Variants in EEIG2 observed in about 807,000 individuals in gnomAD.
EEIG2 encodes the protein family with sequence similarity 102 member B.
chr1:108,631,238 GGGCTGGCAGGCTATAGCCCATA>G, the EEIG2 span: 2 of 266,858 alleles, frequency 7.5e-6, no homozygotes, highest in Non-Finnish European at 1.5e-5. Flanking sequence ...CTAGCACATG[GGGCTGGCAGGCTATAGCCCATA>G]GGCCAAATTG....
the EEIG2 span, among the ~76,000 whole-genome samples, chr1:108,561,069 A>G: frequency 6.6e-6 from 1 of 152,160 alleles, no homozygotes; most frequent in Non-Finnish European, 1.5e-5. Context: ...AGACGAGACA[A>G]CGGTCTGTGC....
the EEIG2 span, among the ~76,000 whole-genome samples, chr1:108,605,889 TA>T: frequency 6.6e-6 from 1 of 152,218 alleles, no homozygotes; most frequent in Admixed American, 6.5e-5. Context: ...TTAGTATGCT[TA>T]ACTGAGTAAA....
At chr1:108,591,673 C>A in the EEIG2 span, among the ~76,000 whole-genome samples, 1 of 152,112 alleles carries the variant, frequency 6.6e-6, no homozygotes, top group Non-Finnish European at 1.5e-5. Flanking sequence ...CTGCCCCTCC[C>A]TGGGGGACAG....
the EEIG2 span, among the ~76,000 whole-genome samples, chr1:108,576,320 AG>A: frequency 6.6e-6 from 1 of 151,786 alleles, no homozygotes; most frequent in Non-Finnish European, 1.5e-5. Context: ...TTATACTTTA[AG>A]TTTTAGGGTA....
the EEIG2 span, among the ~76,000 whole-genome samples, chr1:108,579,772 T>TGAGA: frequency 4.8e-3 from 284 of 58,876 alleles, 8 homozygotes; most frequent in Non-Finnish European, 6.8e-3. Flanking sequence ...TGTGTGTGTG[T>TGAGA]GAGAGAGAGA....
chr1:108,638,050 T>C, the EEIG2 span: 1 of 152,644 alleles, frequency 6.6e-6, no homozygotes, highest in Non-Finnish European at 1.5e-5. Context: ...AATATCCAAA[T>C]TCCAGATTTT....
At chr1:108,569,296 A>G in the EEIG2 span, among the ~76,000 whole-genome samples, 1 of 152,240 alleles carries the variant, frequency 6.6e-6, no homozygotes, top group African/African-American at 2.4e-5. Context: ...ATTCCTCGTT[A>G]GGAGGATGGG....
chr1:108,593,134 A>G, the EEIG2 span, among the ~76,000 whole-genome samples: 150,459 of 152,284 alleles, frequency 0.99, 74,358 homozygotes, highest in East Asian at 1. Context: ...CTCAGCCTGC[A>G]TGACAGAGTG....
chr1:108,621,141 ATTC>A, the EEIG2 span, among the ~76,000 whole-genome samples: 1 of 152,218 alleles, frequency 6.6e-6, no homozygotes, highest in African/African-American at 2.4e-5. Flanking sequence ...TTTTTCACAT[ATTC>A]TTAACATTAC....
chr1:108,581,277 G>A, the EEIG2 span, among the ~76,000 whole-genome samples: 1 of 152,150 alleles, frequency 6.6e-6, no homozygotes, highest in Non-Finnish European at 1.5e-5. Flanking sequence ...GTCCCCAAGA[G>A]CTCTAATGAA....
the EEIG2 span, chr1:108,625,204 T>C: frequency 6.5e-6 from 1 of 154,420 alleles, no homozygotes; most frequent in African/African-American, 2.4e-5. Context: ...ATTCAGTAGA[T>C]CTGGGTTAGA....
chr1:108,623,706 C>G, the EEIG2 span, among the ~76,000 whole-genome samples: 2 of 152,026 alleles, frequency 1.3e-5, no homozygotes, highest in Non-Finnish European at 2.9e-5. Flanking sequence ...GAGTCTCGCT[C>G]TGTCGCCCAG....
chr1:108,605,698 G>T, the EEIG2 span, among the ~76,000 whole-genome samples: 1 of 152,072 alleles, frequency 6.6e-6, no homozygotes. Context: ...GTTAAAAAAA[G>T]ACATCATCTA....
the EEIG2 span, among the ~76,000 whole-genome samples, chr1:108,602,366 G>T: frequency 2.6e-5 from 4 of 152,098 alleles, no homozygotes; most frequent in Non-Finnish European, 5.9e-5. Context: ...TGGAAGTGCT[G>T]GGGGAGAAAC....
the EEIG2 span, among the ~76,000 whole-genome samples, chr1:108,615,128 T>C: frequency 6.6e-6 from 1 of 152,200 alleles, no homozygotes; most frequent in Non-Finnish European, 1.5e-5. Context: ...AATGTACATA[T>C]TCTTGTATTC....
At chr1:108,569,315 A>G in the EEIG2 span, among the ~76,000 whole-genome samples, 10 of 152,306 alleles carry the variant, frequency 6.6e-5, no homozygotes, top group Admixed American at 2.0e-4. Flanking sequence ...GGTCATCTAG[A>G]TGATGATGCT....
chr1:108,605,545 G>A, the EEIG2 span, among the ~76,000 whole-genome samples: 1 of 152,200 alleles, frequency 6.6e-6, no homozygotes, highest in South Asian at 2.1e-4. Flanking sequence ...GGGGAGTTTG[G>A]CCCTAATAAT....
chr1:108,626,078 G>A, the EEIG2 span: 1 of 152,144 alleles, frequency 6.6e-6, no homozygotes, highest in East Asian at 1.9e-4. Context: ...CTACCTCTCT[G>A]ATCTTTCCTT....
chr1:108,565,309 A>G, the EEIG2 span, among the ~76,000 whole-genome samples: 1 of 152,162 alleles, frequency 6.6e-6, no homozygotes, highest in Non-Finnish European at 1.5e-5. Context: ...CCTAGATGGT[A>G]TAGCCTACTA....
Sources: gnomAD v4.1 joint callset for allele counts (sites outside exome capture counted in the v4.1 genomes callset) on GRCh38, gnomAD v4.1.1 for gene constraint, MANE v1.5 for transcripts, NCBI Gene and HGNC (gene_info 2026-07-23, HGNC 2026-07-21) for gene names.